Variants in SEMA5A observed in about 807,000 individuals in gnomAD.
SEMA5A encodes semaphorin-5A.
SEMA5A carries 55 observed loss-of-function variants against 135.5 expected under a neutral mutation model. The ratio of observed to expected loss-of-function variants is 0.41; its 90% confidence interval spans 0.33 to 0.51. The LOEUF is 0.51. Ranked by LOEUF, SEMA5A falls within the 20% of genes least tolerant of loss-of-function variation. SEMA5A has a pLI of 0.37. For missense variants in SEMA5A, 1,290 were observed against 1,419.9 expected (o/e 0.91, Z 1.47); for synonymous variants, 580 against 546.5 (o/e 1.06, Z -0.85).
In SEMA5A at chr5:9,337,760, C is replaced by T. The variant is rs111523371; in HGVS notation, c.177G>A (p.Ser59=). ...EFRAKNAVDF[S]QLTFDPGQKE... ...TCTGTCCTGGGTCAAATGTTAACTG[C>T]GAGAAATCCACAGCATTCTTCGCTC... Residue 59 remains serine (S), a synonymous_variant, in exon 4 of 23, where the codon TCG becomes TCA. Transcript: ENST00000382496. The T allele has an allele frequency of 1.8e-5, 29 of 1,611,572 alleles. No individual in the cohort carries two copies. The highest frequency in any genetic ancestry group is 2.2e-5 in the Non-Finnish European group (26 of 1,178,482).
intron 15 of SEMA5A, among the ~76,000 whole-genome samples, chr5:9,116,379 G>C (rs973829903): frequency 6.6e-6 from 1 of 152,206 alleles, no homozygotes; most frequent in Admixed American, 6.5e-5. Flanking sequence ...CTCTCTGGGA[G>C]TTGGTGCTTC....
chr5:9,180,855 T>C (rs1473529756), intron 11 of SEMA5A, among the ~76,000 whole-genome samples: 2 of 152,222 alleles, frequency 1.3e-5, no homozygotes, highest in Admixed American at 6.5e-5. Context: ...AGTTGGCCAC[T>C]ATCACTCTTG....
At chr5:9,202,589 C>T (rs986690831) in intron 8 of SEMA5A, among the ~76,000 whole-genome samples, 3 of 152,192 alleles carry the variant, frequency 2.0e-5, no homozygotes, top group Non-Finnish European at 2.9e-5. Context: ...CAAATTCTTA[C>T]ATAACCTTCA....
At chr5:9,528,075 G>T (rs1031223722) in intron 1 of SEMA5A, among the ~76,000 whole-genome samples, 1 of 152,098 alleles carries the variant, frequency 6.6e-6, no homozygotes, top group Admixed American at 6.6e-5. Context: ...TGTCTTTATA[G>T]AAATGAAATA....
At chr5:9,186,432 G>A (rs1744814350) in intron 11 of SEMA5A, among the ~76,000 whole-genome samples, 1 of 152,144 alleles carries the variant, frequency 6.6e-6, no homozygotes, top group African/African-American at 2.4e-5. Context: ...ATTTGCATGT[G>A]TTCATGTAAA....
At chr5:9,131,833 C>T (rs963187126) in intron 13 of SEMA5A, among the ~76,000 whole-genome samples, 9 of 151,908 alleles carry the variant, frequency 5.9e-5, no homozygotes, top group Admixed American at 4.6e-4. Context: ...GACTATAATA[C>T]ATGATGCATT....
chr5:9,123,862 G>A (rs1245690138), intron 13 of SEMA5A, among the ~76,000 whole-genome samples: 1 of 152,132 alleles, frequency 6.6e-6, no homozygotes, highest in Non-Finnish European at 1.5e-5. Flanking sequence ...ATTACTCCAT[G>A]TAGAATCCGA....
chr5:9,175,581 C>T (rs970206726), intron 11 of SEMA5A, among the ~76,000 whole-genome samples: 2 of 152,106 alleles, frequency 1.3e-5, no homozygotes, highest in African/African-American at 2.4e-5. Context: ...TCCTTTTGTC[C>T]TTCTCTTCTA....
intron 1 of SEMA5A, chr5:9,518,102 G>GA (rs1018984178): frequency 3.3e-5 from 5 of 152,058 alleles, no homozygotes; most frequent in Non-Finnish European, 5.9e-5. Flanking sequence ...AATTAACGAT[G>GA]AAAAAATCCA....
Position 9,054,269 on chromosome 5 carries a change from C to G in SEMA5A, c.2519-12G>C. The G allele has an allele frequency of 6.2e-7, 1 of 1,608,818 alleles. No homozygotes were observed. The highest frequency in any genetic ancestry group is 8.5e-7 in the Non-Finnish European group (1 of 1,177,604). ...CCACACGCCATCCACTGTGAAGAAA[C>G]ACAATGTCACAGCTCTTCTATAATC... On this transcript the variant is annotated splice_polypyrimidine_tract_variant and intron_variant, in intron 18 of 22. Coordinates refer to ENST00000382496, the MANE Select transcript of SEMA5A (RefSeq NM_003966.3).
At chr5:9,464,751 G>T (rs1759190922) in intron 1 of SEMA5A, among the ~76,000 whole-genome samples, 1 of 152,020 alleles carries the variant, frequency 6.6e-6, no homozygotes, top group Non-Finnish European at 1.5e-5. Context: ...GAATAAAATG[G>T]AAGAAAGTGC....
At position 9,051,886 on chromosome 5, in the gene SEMA5A, A is replaced by T; in HGVS notation, c.2832T>A (p.Ser944=). 2 of 1,614,210 alleles carry T rather than the reference A, an allele frequency of 1.2e-6. No homozygotes were observed. Among genetic ancestry groups the T allele is most frequent in the Non-Finnish European group, 1.7e-6 (2 of 1,180,032 alleles). The change falls in exon 20 of 23, where the codon TCT becomes TCA. Residue 944 remains serine, a synonymous_variant. Coordinates refer to ENST00000382496, the MANE Select transcript of SEMA5A (RefSeq NM_003966.3). ...TTESRPCVFD[S]NFIPEVSVAR... ...CTCTGCTCTTACCTGGGATGAAATT[A>T]GAGTCAAACACACACGGCCGGCTCT... is the stretch of plus-strand genomic sequence containing the variant.
intron 1 of SEMA5A, among the ~76,000 whole-genome samples, chr5:9,457,789 C>T (rs1200975928): frequency 6.7e-6 from 1 of 150,350 alleles, no homozygotes; most frequent in African/African-American, 2.5e-5. Flanking sequence ...AAATTAAATA[C>T]ATTAATTTGA....
At chr5:9,519,586 G>A (rs1736702540) in intron 1 of SEMA5A, among the ~76,000 whole-genome samples, 1 of 152,160 alleles carries the variant, frequency 6.6e-6, no homozygotes, top group Admixed American at 6.5e-5. Context: ...TTTACAGCTT[G>A]CCACTGAGCC....
chr5:9,453,756 G>A (rs149395503), intron 1 of SEMA5A, among the ~76,000 whole-genome samples: 3 of 152,252 alleles, frequency 2.0e-5, no homozygotes, highest in African/African-American at 4.8e-5. Flanking sequence ...TATTTGCAGT[G>A]ACTTCATAGA....
At chr5:9,158,043 T>C (rs1038531135) in intron 11 of SEMA5A, among the ~76,000 whole-genome samples, 58 of 152,208 alleles carry the variant, frequency 3.8e-4, no homozygotes, top group African/African-American at 1.3e-3. Flanking sequence ...TCATATGATG[T>C]ATGTGTAGTG....
chr5:9,082,548 G>C (rs1333127492), intron 16 of SEMA5A, among the ~76,000 whole-genome samples: 1 of 152,174 alleles, frequency 6.6e-6, no homozygotes, highest in African/African-American at 2.4e-5. Flanking sequence ...AGCCCACCAA[G>C]GTCTGCCCAG....
chr5:9,200,159 A>T (rs1745627136), intron 9 of SEMA5A, among the ~76,000 whole-genome samples: 1 of 152,240 alleles, frequency 6.6e-6, no homozygotes, highest in Non-Finnish European at 1.5e-5. Context: ...ACAAATTAGT[A>T]TTCCAGGGAG....
At chr5:9,062,621 A>C (rs1737242941) in intron 18 of SEMA5A, among the ~76,000 whole-genome samples, 1 of 152,132 alleles carries the variant, frequency 6.6e-6, no homozygotes, top group East Asian at 1.9e-4. Context: ...GTGCACTAAC[A>C]TACTTGGCTA....
Sources: allele counts gnomAD v4.1 joint callset (sites outside exome capture counted in the v4.1 genomes callset), GRCh38; gene constraint gnomAD v4.1.1; transcripts MANE v1.5; gene names NCBI Gene and HGNC (gene_info 2026-07-23, HGNC 2026-07-21).